SNX5: variants seen among roughly 807,000 people sequenced by gnomAD.
SNX5 encodes sorting nexin 5.
SNX5 carries 31 observed loss-of-function variants against 53.9 expected under a neutral mutation model. The ratio of observed to expected loss-of-function variants is 0.58; its 90% CI spans 0.43 to 0.78. The LOEUF (loss-of-function observed/expected upper bound fraction) is 0.78, where lower values mean the gene tolerates loss of function less well. Ranked by LOEUF, SNX5 falls within the 30% of genes least tolerant of loss-of-function variation. SNX5 has a pLI of 0.00. For synonymous variants in SNX5, 168 were observed against 171.1 expected, an observed-to-expected ratio of 0.98 and a Z score of 0.14; for missense variants, 471 against 478.8, an observed-to-expected ratio of 0.98 and a Z score of 0.15.
At chr20:17,948,010 C>T (rs1460880953) in intron 10 of SNX5, among the ~76,000 whole-genome samples, 3 of 152,212 alleles carry the variant, frequency 2.0e-5, no homozygotes, top group Admixed American at 1.3e-4. Context: ...TAAAATACAA[C>T]TGGGCAATGA....
At chr20:17,958,113 G>A (rs1403477698) in intron 1 of SNX5, among the ~76,000 whole-genome samples, 1 of 152,070 alleles carries the variant, frequency 6.6e-6, no homozygotes, top group African/African-American at 2.4e-5. Context: ...ACAAGGTGGT[G>A]GTCAATCTGA....
intron 11 of SNX5, among the ~76,000 whole-genome samples, chr20:17,946,786 G>A (rs1017493236): frequency 6.6e-6 from 1 of 152,186 alleles, no homozygotes; most frequent in Non-Finnish European, 1.5e-5. Flanking sequence ...ACCACAGATT[G>A]ATGGGGGTTA....
chr20:17,962,258 GCA>G (rs968468841), intron 1 of SNX5: 3 of 153,648 alleles, frequency 2.0e-5, no homozygotes, highest in African/African-American at 7.4e-5. Context: ...GAGTGCAGTG[GCA>G]CAGTCTCAGC....
chr20:17,967,493 T>TCTCCATAA (rs1296429246), intron 1 of SNX5, among the ~76,000 whole-genome samples: 13 of 152,232 alleles, frequency 8.5e-5, no homozygotes, highest in African/African-American at 3.1e-4. Flanking sequence ...GGAGGTGCCT[T>TCTCCATAA]TAACTTCTCA....
At chr20:17,947,272 T>TA in intron 11 of SNX5, 1 of 522,050 alleles carries the variant, frequency 1.9e-6, no homozygotes, top group Non-Finnish European at 3.3e-6. Flanking sequence ...ATATGCAACT[T>TA]AATCTCCAAT....
In SNX5 at chr20:17,954,001, C is replaced by T. The variant is rs2035309850; in HGVS notation, c.384G>A (p.Leu128=). Residue 128 remains leucine (L), a synonymous_variant, in exon 4 of 13, where the codon CTG becomes CTA. Transcript: ENST00000377759. ...CACCAGGAAAATCCACTTACGCTTC[C>T]AGTTCTTGTTTCATCTTGGCAAATT... The part of the protein sequence containing the change: ...KEEFAKMKQE[L]EAEYLAVFKK... 1.9e-6 allele frequency: 3 copies of T among 1,613,368 alleles called. No individual in the cohort carries two copies. Among genetic ancestry groups the T allele is most frequent in the African/African-American group, 1.3e-5 (1 of 75,016 alleles).
intron 2 of SNX5, among the ~76,000 whole-genome samples, chr20:17,956,673 CAAAAAAAAAAAA>C (rs59252584): frequency 0.019 from 1,599 of 84,876 alleles, 19 homozygotes; most frequent in African/African-American, 0.048. Flanking sequence ...AGACTGTCTC[CAAAAAAAAAAAA>C]AAAAAAAAAA....
chr20:17,942,715 G>C, intron 12 of SNX5: 1 of 420,626 alleles, frequency 2.4e-6, no homozygotes, highest in South Asian at 3.0e-5. Context: ...GACACTATCA[G>C]TGCGTTGTTC....
intron 1 of SNX5, chr20:17,961,772 A>AT (rs2035455012): frequency 1.0e-6 from 1 of 985,318 alleles, no homozygotes; most frequent in African/African-American, 1.7e-5. Flanking sequence ...CCACTGCCTA[A>AT]GAAACTAAGA....
In SNX5 at chr20:17,942,389, G is replaced by A. The variant is rs1484305155; in HGVS notation, c.1183C>T (p.Gln395Ter). The A allele has an allele frequency of 1.2e-6, 2 of 1,611,282 alleles. No homozygotes were observed. Among genetic ancestry groups the A allele is most frequent in the Middle Eastern group, 1.7e-4 (1 of 6,048 alleles). ...TTCTTGAACAAGTCAATACAGCTCT[G>A]CAAAAGGGAGACATTGTTCTGTGGG... ...KHARNNVSLL[Q>*]SCIDLFKNN Residue 395 changes from glutamine to a stop codon, truncating the protein, a stop_gained, in exon 13 of 13, where the codon CAG (glutamine) becomes TAG (stop). Coordinates refer to ENST00000377759, the MANE Select transcript of SNX5 (RefSeq NM_014426.4). LOFTEE classifies it high-confidence loss of function.
At chr20:17,949,032 T>C (rs923343717) in intron 9 of SNX5, 32 bp downstream of exon 9, 3 of 1,608,844 alleles carry the variant, frequency 1.9e-6, no homozygotes, top group Non-Finnish European at 1.7e-6. Context: ...TTATAAAATA[T>C]ATATTATGAA....
intron 2 of SNX5, among the ~76,000 whole-genome samples, chr20:17,956,216 C>G (rs2035353468): frequency 1.3e-5 from 2 of 152,154 alleles, no homozygotes; most frequent in African/African-American, 4.8e-5. Context: ...CCTTTTCACT[C>G]CAGTGAATGC....
chr20:17,948,389 A>G lies in SNX5; in HGVS notation c.918+501T>C, dbSNP rs983646. Among the ~76,000 whole-genome samples the G allele has an allele frequency of 4.8e-3, 730 of 152,244 alleles. 22 individuals are homozygous for G. The East Asian group carries it at 0.075, about 16-fold the overall frequency. On this transcript the variant is annotated intron_variant, in intron 10 of 12. Transcript: ENST00000377759. ...CATGATGGGGGGAAAAATTTTTTTT[A>G]CTCTTTTACTTTCTGATGACATTTC...
chr20:17,946,625 G>C (rs1416068591), intron 11 of SNX5, among the ~76,000 whole-genome samples: 2 of 152,202 alleles, frequency 1.3e-5, no homozygotes, highest in Non-Finnish European at 2.9e-5. Flanking sequence ...GTGCCAACTT[G>C]GGTAGGAAAG....
chr20:17,960,456 T>C lies in SNX5; in HGVS notation c.52-3419A>G, dbSNP rs1033462666. 5.9e-5 allele frequency among the ~76,000 whole-genome samples: 9 copies of C among 152,138 alleles called. No homozygotes were observed. The South Asian group carries it at 6.2e-4, about 10-fold the overall frequency. On this transcript the variant is annotated intron_variant, in intron 1 of 12. Coordinates refer to ENST00000377759, the MANE Select transcript of SNX5 (RefSeq NM_014426.4). ...CAAAAATACAAAAATTAGCTGGGCA[T>C]GGTGGCGCACATCTGTAATCCCAGC...
chr20:17,948,220 G>T (rs1288343275), intron 10 of SNX5, among the ~76,000 whole-genome samples: 1 of 152,134 alleles, frequency 6.6e-6, no homozygotes, highest in African/African-American at 2.4e-5. Context: ...AAACTACTAG[G>T]CCTATTTTTG....
intron 7 of SNX5, 21 bp downstream of exon 7, chr20:17,950,270 C>A: frequency 1.2e-6 from 2 of 1,608,968 alleles, no homozygotes; most frequent in Non-Finnish European, 1.7e-6. Flanking sequence ...AAAGCTCTGA[C>A]TAGCGGTAAA....
Position 17,941,672 on chromosome 20 carries a change from C to A in SNX5, c.*685G>T, listed in dbSNP as rs1244233456. Reference sequence around the variant, plus strand: ...CCAAAGACATACAACACACCGCCCTCACCCCCCAGCGGCCATTAGGGAGGG... The same window carrying A: ...CCAAAGACATACAACACACCGCCCTAACCCCCCAGCGGCCATTAGGGAGGG... On this transcript the variant is annotated 3_prime_UTR_variant, in exon 13 of 13. Coordinates refer to ENST00000377759, the MANE Select transcript of SNX5 (RefSeq NM_014426.4). The A allele has an allele frequency of 6.6e-6, 1 of 152,262 alleles. No homozygotes were observed. Among genetic ancestry groups the A allele is most frequent in the Non-Finnish European group, 1.5e-5 (1 of 68,114 alleles). The allele number at this position is 152,262 out of a possible 1,614,324, so 9.4% of individuals were successfully genotyped here.
intron 1 of SNX5, among the ~76,000 whole-genome samples, chr20:17,966,377 T>C (rs1241581293): frequency 1.5e-5 from 2 of 135,734 alleles, no homozygotes; most frequent in Non-Finnish European, 3.1e-5. Flanking sequence ...AGAGCGAGAC[T>C]CCGTCTCAAA....
Sources: gnomAD v4.1 joint callset for allele counts (sites outside exome capture counted in the v4.1 genomes callset) on GRCh38, gnomAD v4.1.1 for gene constraint, MANE v1.5 for transcripts, NCBI Gene and HGNC (gene_info 2026-07-23, HGNC 2026-07-21) for gene names.